CROT: variants seen among roughly 807,000 people sequenced by gnomAD.
The protein encoded by CROT is carnitine O-octanoyltransferase.
A neutral mutation model predicts 89.2 loss-of-function variants in CROT; 84 were observed. The ratio of observed to expected loss-of-function variants is 0.94; its 90% CI spans 0.79 to 1.13. The LOEUF (loss-of-function observed/expected upper bound fraction) is 1.13. Ranked by LOEUF, CROT falls within the 50% of genes most tolerant of loss-of-function variation. The pLI is 0.00. For synonymous variants in CROT, 212 were observed against 239.5 expected, an observed-to-expected ratio of 0.89 and a Z score of 1.06; for missense variants, 711 against 727.8, an observed-to-expected ratio of 0.98 and a Z score of 0.27.
rs769627937 is a variant in CROT, at chr7:87,349,113, G to C, written c.45G>C (p.Gln15His). The C allele has an allele frequency of 1.9e-6, 3 of 1,607,564 alleles. No individual in the cohort carries two copies. In the Admixed American group the frequency reaches 5.0e-5, roughly 27 times the overall value. Reference protein sequence around the residue: ...LAKSTEERTFQYQDSLPSLPV... With the variant: ...LAKSTEERTFHYQDSLPSLPV... ...AATCAACTGAAGAACGAACATTTCA[G>C]TACCAGGATTCTCTTCCATCACTGC... Residue 15 changes from glutamine (Q) to histidine (H), a missense_variant, in exon 3 of 18, where the codon CAG becomes CAC. Physicochemically the swap from Gln to His is conservative, Grantham distance 24 (BLOSUM62 0). Transcript: ENST00000331536.
intron 7 of CROT, among the ~76,000 whole-genome samples, chr7:87,372,499 T>G (rs946714882): frequency 1.3e-5 from 2 of 152,342 alleles, no homozygotes; most frequent in Non-Finnish European, 1.5e-5. Context: ...ATGTGCTTCA[T>G]GGGCTGCATT....
At chr7:87,357,371 ACT>A in intron 3 of CROT, 1 of 1,109,010 alleles carries the variant, frequency 9.0e-7, no homozygotes, top group Admixed American at 2.0e-5. Context: ...TACCCTAGAG[ACT>A]CTAACCCCAT....
intron 17 of CROT, among the ~76,000 whole-genome samples, chr7:87,397,643 G>T (rs1328494384): frequency 6.6e-6 from 1 of 152,204 alleles, no homozygotes; most frequent in Non-Finnish European, 1.5e-5. Flanking sequence ...GAATCACGAG[G>T]TGAAAACAAG....
At chr7:87,382,320 G>GGT in intron 12 of CROT, 93 bp from the exon 13 acceptor site, 4 of 1,447,212 alleles carry the variant, frequency 2.8e-6, no homozygotes, top group Non-Finnish European at 3.8e-6. Context: ...CTTTATGTCT[G>GGT]GTGATTACTT....
intron 7 of CROT, among the ~76,000 whole-genome samples, chr7:87,372,014 A>C (rs999697982): frequency 1.3e-5 from 2 of 151,386 alleles, no homozygotes; most frequent in South Asian, 2.1e-4. Flanking sequence ...AAACAAAAAA[A>C]AAAAAACAAA....
At chr7:87,377,511 C>T in intron 10 of CROT, 61 bp downstream of exon 10, 3 of 961,776 alleles carry the variant, frequency 3.1e-6, no homozygotes, top group Admixed American at 3.7e-5. Context: ...TGACAATAAA[C>T]CATAAATACT....
intron 13 of CROT, among the ~76,000 whole-genome samples, chr7:87,388,241 T>C (rs939400743): frequency 6.6e-6 from 1 of 152,034 alleles, no homozygotes; most frequent in Non-Finnish European, 1.5e-5. Context: ...ATCAAGCTAC[T>C]ACTGACTTTC....
intron 17 of CROT, among the ~76,000 whole-genome samples, chr7:87,398,103 CT>C (rs5885580): frequency 0.077 from 11,137 of 145,060 alleles, 448 homozygotes; most frequent in South Asian, 0.16. Context: ...CCTTCTCTGC[CT>C]TTTTTTTTTT....
At chr7:87,367,451 G>A (rs969761635) in intron 6 of CROT, among the ~76,000 whole-genome samples, 4 of 152,132 alleles carry the variant, frequency 2.6e-5, no homozygotes, top group Admixed American at 2.0e-4. Context: ...TCAGATTTCT[G>A]GTCCTTAGAC....
intron 6 of CROT, among the ~76,000 whole-genome samples, chr7:87,362,085 T>C (rs1806295180): frequency 1.3e-5 from 2 of 152,206 alleles, no homozygotes; most frequent in African/African-American, 4.8e-5. Context: ...ATTTCATCAT[T>C]TGAAAGTTTA....
chr7:87,361,279 A>C, intron 4 of CROT, 111 bp from the exon 5 acceptor site: 1 of 1,126,276 alleles, frequency 8.9e-7, no homozygotes, highest in Non-Finnish European at 1.3e-6. Context: ...CATGTTTTTA[A>C]ATGTTGAAGA....
intron 9 of CROT, among the ~76,000 whole-genome samples, chr7:87,376,811 A>G (rs1224041833): frequency 6.6e-6 from 1 of 152,140 alleles, no homozygotes; most frequent in Non-Finnish European, 1.5e-5. Context: ...AGTTTCACAG[A>G]GCACTAATTA....
chr7:87,359,177 A>G (rs200908945), intron 3 of CROT, 29 bp from the exon 4 acceptor site: 706 of 1,470,926 alleles, frequency 4.8e-4, no homozygotes, highest in Admixed American at 1.2e-3. Context: ...CTTGGTCTAA[A>G]TACCTTAATA....
chr7:87,370,780 T>A (rs1351578881), intron 7 of CROT, among the ~76,000 whole-genome samples: 2 of 152,220 alleles, frequency 1.3e-5, no homozygotes, highest in African/African-American at 4.8e-5. Flanking sequence ...AAAAGGCTGC[T>A]GTGAAAATCC....
At chr7:87,361,276 T>G in intron 4 of CROT, 114 bp from the exon 5 acceptor site, 2 of 1,119,330 alleles carry the variant, frequency 1.8e-6, no homozygotes, top group South Asian at 3.0e-5. Context: ...AAACATGTTT[T>G]TAAATGTTGA....
At chr7:87,369,311 T>C (rs1195813404) in intron 6 of CROT, 65 bp from the exon 7 acceptor site, 2 of 1,003,644 alleles carry the variant, frequency 2.0e-6, no homozygotes, top group Admixed American at 4.2e-5. Context: ...TTCTATTGGA[T>C]ATATGCATCT....
chr7:87,378,656 A>C (rs909278626), intron 10 of CROT, among the ~76,000 whole-genome samples: 2 of 152,144 alleles, frequency 1.3e-5, no homozygotes, highest in African/African-American at 4.8e-5. Context: ...CTTTGTTTCC[A>C]ATGGTTACAG....
At chr7:87,396,471 C>G (rs564031511) in intron 17 of CROT, among the ~76,000 whole-genome samples, 1 of 152,236 alleles carries the variant, frequency 6.6e-6, no homozygotes, top group Non-Finnish European at 1.5e-5. Flanking sequence ...ATGACATGCA[C>G]TGGACCCTTC....
intron 4 of CROT, chr7:87,360,244 T>C (rs1023032619): frequency 4.7e-5 from 14 of 298,366 alleles, no homozygotes; most frequent in African/African-American, 3.2e-4. Flanking sequence ...ATGCATGGAA[T>C]TCAATTGCAT....
Sources: gnomAD v4.1 joint callset for allele counts (sites outside exome capture counted in the v4.1 genomes callset) on GRCh38, gnomAD v4.1.1 for gene constraint, MANE v1.5 for transcripts, NCBI Gene and HGNC (gene_info 2026-07-23, HGNC 2026-07-21) for gene names.